Variants in ERC2 observed in about 807,000 individuals in gnomAD.
ERC2 encodes ELKS/RAB6-interacting/CAST family member 2.
A neutral mutation model predicts 114.8 loss-of-function variants in ERC2; 42 were observed. The ratio of observed to expected loss-of-function variants is 0.37; its 90% CI spans 0.29 to 0.47. The LOEUF (loss-of-function observed/expected upper bound fraction) is 0.47. Ranked by LOEUF, ERC2 falls within the 20% of genes least tolerant of loss-of-function variation. The pLI is 0.99. For missense variants in ERC2, 939 were observed against 1,150.7 expected, an observed-to-expected ratio of 0.82 and a Z score of 2.66; for synonymous variants, 454 against 425.5, an observed-to-expected ratio of 1.07 and a Z score of -0.82.
At chr3:56,329,753 T>C (rs912519269) in intron 2 of ERC2, among the ~76,000 whole-genome samples, 1 of 151,786 alleles carries the variant, frequency 6.6e-6, no homozygotes, top group African/African-American at 2.4e-5. Context: ...TAGTCCTCTG[T>C]AGTTTTCCAA....
At chr3:56,139,925 C>T (rs373815255) in intron 5 of ERC2, among the ~76,000 whole-genome samples, 3 of 152,290 alleles carry the variant, frequency 2.0e-5, no homozygotes, top group African/African-American at 7.2e-5. Context: ...CTCCATCCCA[C>T]TGTGGACCAA....
intron 14 of ERC2, among the ~76,000 whole-genome samples, chr3:55,783,641 G>A (rs2069240125): frequency 6.6e-6 from 1 of 152,160 alleles, no homozygotes; most frequent in African/African-American, 2.4e-5. Context: ...GAGATTGATG[G>A]TATGGTCTTG....
chr3:56,244,427 A>G (rs2051536073), intron 3 of ERC2, among the ~76,000 whole-genome samples: 1 of 152,138 alleles, frequency 6.6e-6, no homozygotes, highest in Non-Finnish European at 1.5e-5. Context: ...AAACAGCCTC[A>G]GGCAGGTCCC....
At chr3:55,942,470 T>G (rs1026446476) in intron 13 of ERC2, among the ~76,000 whole-genome samples, 2 of 148,980 alleles carry the variant, frequency 1.3e-5, no homozygotes, top group African/African-American at 2.4e-5. Context: ...TTTTTTTTTT[T>G]GTATTTTTAG....
intron 7 of ERC2, among the ~76,000 whole-genome samples, chr3:56,063,004 T>C (rs976491003): frequency 2.0e-5 from 3 of 152,238 alleles, no homozygotes; most frequent in Non-Finnish European, 2.9e-5. Flanking sequence ...AACAACAAGG[T>C]TACTCTCAGA....
chr3:56,172,823 C>A (rs2082746131), intron 4 of ERC2, among the ~76,000 whole-genome samples: 1 of 152,142 alleles, frequency 6.6e-6, no homozygotes, highest in African/African-American at 2.4e-5. Flanking sequence ...TGCTCATTTA[C>A]TTCATGATTC....
At chr3:55,545,031 C>G (rs1559628099) in intron 17 of ERC2, among the ~76,000 whole-genome samples, 1 of 152,186 alleles carries the variant, frequency 6.6e-6, no homozygotes, top group Non-Finnish European at 1.5e-5. Context: ...ATCTACTGAA[C>G]TGCACCTTCA....
chr3:56,373,327 G>A (rs896232322), intron 2 of ERC2, among the ~76,000 whole-genome samples: 14 of 152,204 alleles, frequency 9.2e-5, no homozygotes, highest in Middle Eastern at 3.2e-3. Context: ...TATTTCAGAA[G>A]AAGTAGGTTC....
At chr3:56,429,922 C>A (rs573907131) in intron 2 of ERC2, among the ~76,000 whole-genome samples, 1 of 152,272 alleles carries the variant, frequency 6.6e-6, no homozygotes, top group East Asian at 1.9e-4. Context: ...TTAGACAGAA[C>A]CATGAGGACT....
chr3:56,326,994 T>C (rs976848356), intron 2 of ERC2, among the ~76,000 whole-genome samples: 1 of 152,218 alleles, frequency 6.6e-6, no homozygotes, highest in African/African-American at 2.4e-5. Flanking sequence ...TTCCCACAGA[T>C]GTTCCATGAT....
intron 17 of ERC2, among the ~76,000 whole-genome samples, chr3:55,599,171 C>T (rs2058286875): frequency 6.6e-6 from 1 of 152,208 alleles, no homozygotes. Context: ...ATAACCTCCC[C>T]TGTGTGCCAG....
intron 14 of ERC2, among the ~76,000 whole-genome samples, chr3:55,805,308 C>G (rs2059446065): frequency 6.6e-6 from 1 of 151,874 alleles, no homozygotes. Context: ...TTAAGTGATT[C>G]AGATTTTGGT....
chr3:55,691,573 A>AAAAAT (rs1553631525), intron 16 of ERC2, among the ~76,000 whole-genome samples: 4 of 39,746 alleles, frequency 1.0e-4, no homozygotes, highest in African/African-American at 3.7e-4. Flanking sequence ...AAAAAAAAAA[A>AAAAAT]ATATATATAT....
intron 13 of ERC2, among the ~76,000 whole-genome samples, chr3:55,906,212 C>T (rs573071083): frequency 1.4e-4 from 21 of 150,062 alleles, no homozygotes; most frequent in Non-Finnish European, 2.2e-4. Flanking sequence ...CGCGGTGGCT[C>T]ACGAGGTCAG....
chr3:56,159,133 G>A (rs971365504), intron 4 of ERC2, among the ~76,000 whole-genome samples: 2 of 152,086 alleles, frequency 1.3e-5, no homozygotes, highest in Non-Finnish European at 1.5e-5. Context: ...CCATCTGACT[G>A]TGACTCCTCC....
intron 3 of ERC2, among the ~76,000 whole-genome samples, chr3:56,258,829 C>T (rs1042665729): frequency 2.6e-5 from 4 of 152,176 alleles, no homozygotes; most frequent in Non-Finnish European, 5.9e-5. Flanking sequence ...CCCCAAACTC[C>T]ACTTTGTACA....
At chr3:56,051,595 C>T (rs2075768282) in intron 7 of ERC2, among the ~76,000 whole-genome samples, 1 of 152,000 alleles carries the variant, frequency 6.6e-6, no homozygotes, top group South Asian at 2.1e-4. Context: ...GAGATGAGAC[C>T]AGACTTAAGC....
intron 1 of ERC2, among the ~76,000 whole-genome samples, chr3:56,436,991 G>A (rs1477941043): frequency 6.6e-6 from 1 of 152,152 alleles, no homozygotes; most frequent in Non-Finnish European, 1.5e-5. Flanking sequence ...ACATATGCCA[G>A]GTGACTGATT....
In ERC2 at chr3:55,583,399, TTTCCTTCCTTCCTTCCTTCC is replaced by T. The variant is rs568033136; in HGVS notation, c.*40-72143_*40-72124del. Among the ~76,000 whole-genome samples, 78 of 87,072 alleles carry T rather than the reference TTTCCTTCCTTCCTTCCTTCC, an allele frequency of 9.0e-4. No individual in the cohort carries two copies. In the East Asian group the frequency reaches 0.021, roughly 23 times the overall value. 57.1% of individuals were successfully genotyped at this position (87,072 alleles called of 152,430 possible). The stretch of plus-strand genomic sequence containing the variant: ...CTTTCCTTCTTTCTTTCCTTCCTTC[TTTCCTTCCTTCCTTCCTTCC>T]TTCCTTCCTTCCTTCCTTCCTTCCT... On this transcript the variant is annotated intron_variant, in intron 17 of 17. Coordinates refer to ENST00000288221, the MANE Select transcript of ERC2 (RefSeq NM_015576.3).
Sources: gnomAD v4.1 joint callset for allele counts (sites outside exome capture counted in the v4.1 genomes callset) on GRCh38, gnomAD v4.1.1 for gene constraint, MANE v1.5 for transcripts, NCBI Gene and HGNC (gene_info 2026-07-23, HGNC 2026-07-21) for gene names.